The following FMN1 variants were observed in gnomAD, a reference collection of about 807,000 sequenced individuals.
The protein encoded by FMN1 is formin 1.
A neutral mutation model predicts 132.4 loss-of-function variants in FMN1; 110 were observed. That is an observed-to-expected ratio of 0.83 (90% CI 0.71 to 0.97). FMN1 has a LOEUF of 0.97. Among genes scored for constraint, FMN1 ranks in the 50% least tolerant of loss-of-function variants. FMN1 has a pLI of 0.00. For synonymous variants in FMN1, 722 were observed against 651.7 expected, an observed-to-expected ratio of 1.11 and a Z score of -1.64; for missense variants, 1,792 against 1,705.3, an observed-to-expected ratio of 1.05 and a Z score of -0.90.
chr15:33,008,009 C>A lies in FMN1; in HGVS notation c.2223+5G>T. On this transcript the variant is annotated splice_donor_5th_base_variant and intron_variant, in intron 7 of 20. Transcript: ENST00000616417. ...AACCCGTTCAGTAGCATCAAAGAGG[C>A]ATACCTGCAGGTTTTCAATTTCTTC... 2 of 1,597,202 alleles carry A rather than the reference C, an allele frequency of 1.3e-6. No individual in the cohort carries two copies. The highest frequency in any genetic ancestry group is 1.7e-6 in the Non-Finnish European group (2 of 1,170,524).
chr15:33,033,581 A>G (rs1328407936), intron 6 of FMN1, among the ~76,000 whole-genome samples: 1 of 152,080 alleles, frequency 6.6e-6, no homozygotes, highest in African/African-American at 2.4e-5. Context: ...TCTTTCTGGC[A>G]TACAAAAATG....
chr15:32,908,498 T>C lies in FMN1; in HGVS notation c.3369A>G (p.Lys1123=). The C allele has an allele frequency of 6.2e-7, 1 of 1,608,310 alleles. No individual in the cohort carries two copies. Among genetic ancestry groups the C allele is most frequent in the Non-Finnish European group, 8.5e-7 (1 of 1,175,620 alleles). Residue 1123 remains lysine (K), a synonymous_variant, in exon 12 of 21, where the codon AAA becomes AAG. Transcript: ENST00000616417. The part of the protein sequence containing the change: ...SKEEELKLLD[K]PEQFLHELAQ... ...ATGTTAAGTATCCTTACTGCTCAGG[T>C]TTATCCAGCAGCTTCAGTTCTTCTT...
At chr15:33,151,922 T>C (rs1964454097) in intron 4 of FMN1, among the ~76,000 whole-genome samples, 1 of 152,244 alleles carries the variant, frequency 6.6e-6, no homozygotes, top group South Asian at 2.1e-4. Flanking sequence ...TTTTTAAAGC[T>C]CTACCCCCTG....
Position 32,973,190 on chromosome 15 carries a change from A to G in FMN1, c.2224-3713T>C, listed in dbSNP as rs59665828. On this transcript the variant is annotated intron_variant, in intron 7 of 20. Transcript: ENST00000616417. Reference sequence around the variant, plus strand: ...CAATAATTAGCTTTACTTGCAGACTAACATGAACTTTTTAGCACACACACA... The same window carrying G: ...CAATAATTAGCTTTACTTGCAGACTGACATGAACTTTTTAGCACACACACA... 4.2e-3 allele frequency among the ~76,000 whole-genome samples: 639 copies of G among 152,344 alleles called. 3 individuals are homozygous for G. Among genetic ancestry groups the G allele is most frequent in the African/African-American group, 0.015 (612 of 41,582 alleles).
Position 33,073,980 on chromosome 15 carries a change from C to T in FMN1, c.2044-8906G>A, listed in dbSNP as rs1325855645. Among the ~76,000 whole-genome samples, 6 of 152,284 alleles carry T rather than the reference C, an allele frequency of 3.9e-5. No homozygotes were observed. In the East Asian group the frequency reaches 1.2e-3, roughly 29 times the overall value. The stretch of plus-strand genomic sequence containing the variant: ...TCCTGGCTTCAAGTAATCTGCCCAC[C>T]TCGGCCCCCCAGTGTACTGGGGCTA... On this transcript the variant is annotated intron_variant, in intron 5 of 20. Transcript: ENST00000616417.
At chr15:32,901,838 T>G (rs1365044174) in intron 13 of FMN1, 73 bp downstream of exon 13, 1 of 1,302,370 alleles carries the variant, frequency 7.7e-7, no homozygotes, top group Non-Finnish European at 1.0e-6. Context: ...ATAATGGCAT[T>G]AAAGTGGTCT....
chr15:33,187,176 T>C (rs935425172), intron 2 of FMN1, among the ~76,000 whole-genome samples: 1 of 152,246 alleles, frequency 6.6e-6, no homozygotes, highest in African/African-American at 2.4e-5. Context: ...CTTTTATTTC[T>C]CCTTGTATTT....
intron 4 of FMN1, among the ~76,000 whole-genome samples, chr15:33,094,651 A>G (rs898038631): frequency 6.6e-6 from 1 of 152,232 alleles, no homozygotes; most frequent in African/African-American, 2.4e-5. Flanking sequence ...GCCTAGAGCC[A>G]TGAATGGAAC....
intron 4 of FMN1, among the ~76,000 whole-genome samples, chr15:33,104,422 TTTA>T (rs1315928491): frequency 6.6e-6 from 1 of 152,148 alleles, no homozygotes; most frequent in Non-Finnish European, 1.5e-5. Context: ...CACCAAATAA[TTTA>T]TTTTCTTTTT....
intron 6 of FMN1, among the ~76,000 whole-genome samples, chr15:33,016,192 A>G (rs2140986974): frequency 6.6e-6 from 1 of 152,358 alleles, no homozygotes; most frequent in South Asian, 2.1e-4. Flanking sequence ...ATAAAGGATG[A>G]CATTTGAAAA....
At chr15:32,965,511 C>G (rs2031126300) in intron 8 of FMN1, among the ~76,000 whole-genome samples, 1 of 152,138 alleles carries the variant, frequency 6.6e-6, no homozygotes, top group Non-Finnish European at 1.5e-5. Context: ...AAGTATATAG[C>G]TTTATTTCCA....
chr15:32,769,163 T>C lies in FMN1; in HGVS notation c.*5147A>G, dbSNP rs1032303040. Reference sequence around the variant, plus strand: ...TTAAGAGACAGTTAGCCAGCTGCCATTTTAATATCTTCATGTTTCCAAGTT... The same window carrying C: ...TTAAGAGACAGTTAGCCAGCTGCCACTTTAATATCTTCATGTTTCCAAGTT... On this transcript the variant is annotated 3_prime_UTR_variant, in exon 21 of 21. Coordinates refer to ENST00000616417, the MANE Select transcript of FMN1 (RefSeq NM_001277313.2). The C allele has an allele frequency of 1.3e-5, 2 of 152,206 alleles. No homozygotes were observed. Among genetic ancestry groups the C allele is most frequent in the Non-Finnish European group, 2.9e-5 (2 of 68,040 alleles). The allele number at this position is 152,206 out of a possible 1,614,324, so 9.4% of individuals were successfully genotyped here.
At chr15:33,143,918 T>C (rs1214688757) in intron 4 of FMN1, among the ~76,000 whole-genome samples, 1 of 152,144 alleles carries the variant, frequency 6.6e-6, no homozygotes, top group Non-Finnish European at 1.5e-5. Flanking sequence ...GTTAATATTA[T>C]AAAAATACAG....
chr15:33,094,936 T>C (rs553788438), intron 4 of FMN1, among the ~76,000 whole-genome samples: 3 of 152,246 alleles, frequency 2.0e-5, no homozygotes, highest in South Asian at 4.1e-4. Flanking sequence ...ATTTAGGAGA[T>C]TGTAGGATTC....
At chr15:32,967,226 G>T (rs2930130) in intron 8 of FMN1, among the ~76,000 whole-genome samples, 120,747 of 152,240 alleles carry the variant, frequency 0.79, 48,240 homozygotes, top group East Asian at 0.97. Context: ...CAGCTTTCCC[G>T]TGGTCGTGGG....
intron 9 of FMN1, among the ~76,000 whole-genome samples, chr15:32,962,802 C>G (rs1215272941): frequency 1.3e-5 from 2 of 151,778 alleles, no homozygotes; most frequent in African/African-American, 4.9e-5. Context: ...GATACCATCT[C>G]AAACCAGTTA....
At chr15:32,957,863 G>T (rs949925406) in intron 9 of FMN1, among the ~76,000 whole-genome samples, 7 of 152,168 alleles carry the variant, frequency 4.6e-5, no homozygotes, top group Admixed American at 2.6e-4. Context: ...ATAAGAGATA[G>T]TAGCAAGTGG....
intron 3 of FMN1, among the ~76,000 whole-genome samples, chr15:33,156,188 A>C (rs1007007384): frequency 6.6e-6 from 1 of 151,856 alleles, no homozygotes; most frequent in Non-Finnish European, 1.5e-5. Flanking sequence ...AAAATTGCAG[A>C]TATCTGGTCA....
intron 9 of FMN1, among the ~76,000 whole-genome samples, chr15:32,931,380 T>C (rs2061112545): frequency 6.6e-6 from 1 of 152,240 alleles, no homozygotes; most frequent in Non-Finnish European, 1.5e-5. Context: ...CAATGTTTTA[T>C]AGTTTTCAAA....
Sources: gnomAD v4.1 joint callset for allele counts (sites outside exome capture counted in the v4.1 genomes callset) on GRCh38, gnomAD v4.1.1 for gene constraint, MANE v1.5 for transcripts, NCBI Gene and HGNC (gene_info 2026-07-23, HGNC 2026-07-21) for gene names.